Variants in IWS1 observed in about 807,000 individuals in gnomAD.
IWS1 encodes interacts with SUPT6H, CTD assembly factor 1, also known as protein IWS1 homolog.
IWS1 carries 27 observed loss-of-function variants against 86.7 expected under a neutral mutation model. The observed-to-expected ratio is 0.31, with a 90% CI of 0.23 to 0.43. The LOEUF (loss-of-function observed/expected upper bound fraction) is 0.43. Among genes scored for constraint, IWS1 ranks in the 20% least tolerant of loss-of-function variants. The probability of loss-of-function intolerance (pLI) is 1.00; values close to 1 mark genes in which losing one functional copy is unlikely to be tolerated. For missense variants in IWS1, 827 were observed against 1,000.8 expected (o/e 0.83, Z 2.34); for synonymous variants, 313 against 335.1 (o/e 0.93, Z 0.72).
In IWS1 at chr2:127,526,362, G is replaced by A. The variant is rs1409126774; in HGVS notation, c.-154C>T. 28 of 1,536,922 alleles carry A rather than the reference G, an allele frequency of 1.8e-5. No individual in the cohort carries two copies. Among genetic ancestry groups the A allele is most frequent in the Non-Finnish European group, 2.3e-5 (26 of 1,146,538 alleles). The stretch of plus-strand genomic sequence containing the variant: ...GTGCGGAGGGTAAGAAAGCGGTAGC[G>A]GCAAAGGCGAATTCTTTGACCTGGA... On this transcript the variant is annotated 5_prime_UTR_variant, in exon 1 of 14. Transcript: ENST00000295321.
intron 6 of IWS1, 58 bp downstream of exon 6, chr2:127,498,082 T>C (rs1690609897): frequency 1.5e-6 from 2 of 1,307,978 alleles, no homozygotes; most frequent in Non-Finnish European, 2.2e-6. Context: ...GAGAGTTTAA[T>C]AGTCTCTACC....
chr2:127,503,523 C>G lies in IWS1; in HGVS notation c.1273G>C (p.Val425Leu). ...SDADDSDSDA[V>L]SDKSGKREKT... is the part of the protein sequence containing the mutation. ...TCTCTTTTGCCTGACTTGTCTGATA[C>G]AGCATCACTGTCAGAGTCATCTGCA... The change falls in exon 4 of 14, where the codon GTA becomes CTA. Residue 425 changes from valine (V) to leucine (L), a missense_variant. Around this residue, in one of 2 missense-constraint regions of IWS1, gnomAD observed 548 missense variants for 560.2 expected, o/e 0.98. Transcript: ENST00000295321. 1 of 1,613,508 alleles carries G rather than the reference C, an allele frequency of 6.2e-7. No individual in the cohort carries two copies. The highest frequency in any genetic ancestry group is 8.5e-7 in the Non-Finnish European group (1 of 1,179,764).
chr2:127,511,579 C>G (rs1691456608), intron 2 of IWS1, among the ~76,000 whole-genome samples: 1 of 152,162 alleles, frequency 6.6e-6, no homozygotes, highest in Non-Finnish European at 1.5e-5. Flanking sequence ...TCACACTTCA[C>G]TGAAAGGTGA....
In IWS1 at chr2:127,492,081, C is replaced by G. The variant is rs201931052; in HGVS notation, c.1937G>C (p.Ser646Thr). 17 of 1,611,120 alleles carry G rather than the reference C, an allele frequency of 1.1e-5. No individual in the cohort carries two copies. The highest frequency in any genetic ancestry group is 1.4e-5 in the Non-Finnish European group (16 of 1,177,394). Residue 646 changes from serine to threonine, a missense_variant, in exon 10 of 14, where the codon AGT becomes ACT. By Grantham distance (58) the Ser-to-Thr change is moderately conservative (BLOSUM62 1). Coordinates refer to ENST00000295321, the MANE Select transcript of IWS1 (RefSeq NM_017969.3). ...ATGCTTCAGGGTCTCCTGGCTCACACTAGGCAGCTGGGGAACATAAACACA... is the reference window on the plus strand; with the variant it reads ...ATGCTTCAGGGTCTCCTGGCTCACAGTAGGCAGCTGGGGAACATAAACACA... Reference protein sequence around the residue: ...ELLKILQELPSVSQETLKHSG... With the variant: ...ELLKILQELPTVSQETLKHSG...
At chr2:127,520,828 A>G (rs1399609088) in intron 2 of IWS1, among the ~76,000 whole-genome samples, 1 of 152,276 alleles carries the variant, frequency 6.6e-6, no homozygotes, top group South Asian at 2.1e-4. Context: ...GCTAAACAGC[A>G]TAAATGACAA....
At position 127,496,006 on chromosome 2, in the gene IWS1, C is replaced by T; in HGVS notation, c.1708G>A (p.Ala570Thr). Residue 570 changes from alanine to threonine, a missense_variant, in exon 7 of 14, where the codon GCT becomes ACT. Coordinates refer to ENST00000295321, the MANE Select transcript of IWS1 (RefSeq NM_017969.3). Reference sequence around the variant, plus strand: ...GAAGCGACCCAGCTCACCTCAGCAGCTTCATTCATCTTGACGATCATGGCA... The same window carrying T: ...GAAGCGACCCAGCTCACCTCAGCAGTTTCATTCATCTTGACGATCATGGCA... The part of the protein sequence containing the change: ...VSAMIVKMNE[A>T]AEEDRQLNNQ... 6.2e-7 allele frequency: 1 copy of T among 1,612,302 alleles called. No individual in the cohort carries two copies.
At chr2:127,481,493 C>T (rs952842035) in intron 13 of IWS1, among the ~76,000 whole-genome samples, 9 of 152,146 alleles carry the variant, frequency 5.9e-5, no homozygotes, top group South Asian at 4.1e-4. Context: ...ATGTACATTA[C>T]GTTTTAACTG....
chr2:127,489,701 AT>A lies in IWS1; in HGVS notation c.2159+130del. The A allele has an allele frequency of 1.4e-6, 1 of 692,556 alleles. No individual in the cohort carries two copies. The highest frequency in any genetic ancestry group is 2.6e-6 in the Non-Finnish European group (1 of 382,194). The allele number at this position is 692,556 out of a possible 1,614,324, so 42.9% of individuals were successfully genotyped here. ...CATTTAAACTAAAAGGATATTATGA[AT>A]TATGTACACATATCAAGCTGAGAGG... On this transcript the variant is annotated intron_variant, in intron 11 of 13. Transcript: ENST00000295321. The surrounding 1 kb of genome is among the most constrained non-coding windows in gnomAD (Gnocchi z 4.8).
At chr2:127,496,698 A>C (rs1235803498) in intron 6 of IWS1, among the ~76,000 whole-genome samples, 1 of 151,990 alleles carries the variant, frequency 6.6e-6, no homozygotes, top group Non-Finnish European at 1.5e-5. Flanking sequence ...TAGCCTCCTG[A>C]ATAGTTGAGA....
chr2:127,499,159 C>T lies in IWS1; in HGVS notation c.1468-922G>A, dbSNP rs372719886. Among the ~76,000 whole-genome samples, 2 of 149,488 alleles carry T rather than the reference C, an allele frequency of 1.3e-5. No homozygotes were observed. The highest frequency in any genetic ancestry group is 3.0e-5 in the Non-Finnish European group (2 of 67,784). On this transcript the variant is annotated intron_variant, in intron 5 of 13. Transcript: ENST00000295321. This position sits in a 1 kb window ranked among gnomAD's most constrained non-coding sequence, Gnocchi z 4.0. ...AGGCCAGAGTGCAGTGGCGTGATCT[C>T]GGCTCACTGCAAGCTCCACCTCCCG...
chr2:127,507,576 C>A (rs549686925), intron 2 of IWS1, among the ~76,000 whole-genome samples: 38 of 152,304 alleles, frequency 2.5e-4, no homozygotes, highest in Non-Finnish European at 4.3e-4. Context: ...TAGAATCTTA[C>A]AATTACCGTA....
intron 13 of IWS1, among the ~76,000 whole-genome samples, chr2:127,486,227 A>G (rs1166320832): frequency 6.6e-6 from 1 of 151,056 alleles, no homozygotes; most frequent in Non-Finnish European, 1.5e-5. Context: ...ATGGTTATTA[A>G]AAAAAAAAAT....
Position 127,494,990 on chromosome 2 carries a change from C to T in IWS1, c.1717-36G>A, listed in dbSNP as rs746725972. On this transcript the variant is annotated intron_variant, in intron 7 of 13. Transcript: ENST00000295321. ...AAAAAATAAAGATTTTTTTTTAAAA[C>T]AGTACTTTTTATTAATATTGAATTC... The T allele has an allele frequency of 2.1e-5, 28 of 1,325,742 alleles. No individual in the cohort carries two copies. In the Admixed American group the frequency reaches 3.1e-4, roughly 14 times the overall value. The allele number at this position is 1,325,742 out of a possible 1,614,324, so 82.1% of individuals were successfully genotyped here.
chr2:127,505,876 T>TC lies in IWS1; in HGVS notation c.151-125dup. ...GATTATGTGCACCTAAATGGAGAATTCTTGTCCTATACCCATATAGAAACA... is the reference window on the plus strand; with the variant it reads ...GATTATGTGCACCTAAATGGAGAATTCCTTGTCCTATACCCATATAGAAACA... On this transcript the variant is annotated intron_variant, in intron 2 of 13. Transcript: ENST00000295321. This position sits in a 1 kb window ranked among gnomAD's most constrained non-coding sequence, Gnocchi z 5.0. 1.5e-6 allele frequency: 1 copy of TC among 646,138 alleles called. No individual in the cohort carries two copies. Among genetic ancestry groups the TC allele is most frequent in the South Asian group, 2.3e-5 (1 of 44,166 alleles). The allele number at this position is 646,138 out of a possible 1,614,324, so 40.0% of individuals were successfully genotyped here. A position where few individuals can be genotyped will look rare whatever the true frequency, so the allele number is the denominator to read the frequency against.
intron 5 of IWS1, among the ~76,000 whole-genome samples, chr2:127,500,630 G>A (rs1690752072): frequency 1.3e-5 from 2 of 151,986 alleles, no homozygotes; most frequent in South Asian, 2.1e-4. Flanking sequence ...CAAATCTCTT[G>A]ACATCAGTAT....
chr2:127,495,043 G>C, intron 7 of IWS1, 89 bp from the exon 8 acceptor site: 1 of 742,560 alleles, frequency 1.3e-6, no homozygotes, highest in Admixed American at 3.1e-5. Context: ...TAAAATAACA[G>C]TTTTTCAAAG....
At chr2:127,498,294 T>A (rs1690618833) in intron 5 of IWS1, 57 bp from the exon 6 acceptor site, 2 of 1,534,976 alleles carry the variant, frequency 1.3e-6, no homozygotes, top group African/African-American at 2.8e-5. Flanking sequence ...TAAGTGTTCT[T>A]AATATTTTGC....
At chr2:127,503,637 T>C in intron 3 of IWS1, 61 bp from the exon 4 acceptor site, 4 of 1,134,992 alleles carry the variant, frequency 3.5e-6, no homozygotes, top group Non-Finnish European at 2.4e-6. Flanking sequence ...TTACTAAGCA[T>C]AACAGGTGCT....
intron 6 of IWS1, 79 bp downstream of exon 6, chr2:127,498,061 G>T (rs1690608851): frequency 8.7e-7 from 1 of 1,144,844 alleles, no homozygotes; most frequent in Non-Finnish European, 1.3e-6. Context: ...GAACCAAAAT[G>T]AAAAACAAAA....
Sources: gnomAD v4.1 joint callset for allele counts (sites outside exome capture counted in the v4.1 genomes callset) on GRCh38, gnomAD v4.1.1 for gene constraint, gnomAD v4.1.1 regional missense constraint, Gnocchi (gnomAD v3.1) non-coding constraint, MANE v1.5 for transcripts, NCBI Gene and HGNC (gene_info 2026-07-23, HGNC 2026-07-21) for gene names.